The following ERCC6L2 variants were observed in gnomAD, a reference collection of about 807,000 sequenced individuals.
ERCC6L2 encodes the protein DNA excision repair protein ERCC-6-like 2.
Under a neutral mutation model 132.0 loss-of-function variants are expected in ERCC6L2, and 77 were observed. The observed-to-expected ratio is 0.58, with a 90% CI of 0.49 to 0.71. The LOEUF (loss-of-function observed/expected upper bound fraction) is 0.71. Among genes scored for constraint, ERCC6L2 ranks in the 30% least tolerant of loss-of-function variants. The pLI, the probability that ERCC6L2 is intolerant of heterozygous loss-of-function variation, is 0.00. For missense variants in ERCC6L2, 1,542 were observed against 1,837.6 expected, an observed-to-expected ratio of 0.84 and a Z score of 2.94; for synonymous variants, 583 against 632.4, an observed-to-expected ratio of 0.92 and a Z score of 1.17.
At chr9:95,938,704 G>T (rs690056) in intron 11 of ERCC6L2, among the ~76,000 whole-genome samples, 40,044 of 151,896 alleles carry the variant, frequency 0.26, 5,867 homozygotes, top group East Asian at 0.4. Context: ...CAGCCTAGCT[G>T]TGTCATCATA....
intron 14 of ERCC6L2, chr9:95,968,469 C>T (rs1056407416): frequency 7.2e-5 from 11 of 152,152 alleles, no homozygotes; most frequent in Non-Finnish European, 1.6e-4. Flanking sequence ...TGGTTAGATT[C>T]ATGCTGCTTT....
chr9:96,020,763 G>A (rs752351773), downstream of ERCC6L2: 23 of 456,788 alleles, frequency 5.0e-5, no homozygotes, highest in Middle Eastern at 3.3e-4. Flanking sequence ...CAAACTGTGG[G>A]GATGGGGAGT....
At position 95,881,075 on chromosome 9, in the gene ERCC6L2, G is replaced by T. The variant is rs751694710; in HGVS notation, c.253G>T (p.Asp85Tyr). ...AGATTGCCCTAGGAATCTTATATTTGATGATGAAGATTTAGAAAAACCTTA... is the reference window on the plus strand; with the variant it reads ...AGATTGCCCTAGGAATCTTATATTTTATGATGAAGATTTAGAAAAACCTTA... ...VKDCPRNLIF[D>Y]DEDLEKPYFP... The change falls in exon 2 of 19, where the codon GAT becomes TAT. Residue 85 changes from aspartate (D) to tyrosine (Y), a missense_variant. Coordinates refer to ENST00000653738, the MANE Select transcript of ERCC6L2 (RefSeq NM_020207.7). 1 of 1,613,362 alleles carries T rather than the reference G, an allele frequency of 6.2e-7. No individual in the cohort carries two copies. Among genetic ancestry groups the T allele is most frequent in the Non-Finnish European group, 8.5e-7 (1 of 1,179,622 alleles).
At chr9:95,932,033 A>G (rs1446818716) in intron 11 of ERCC6L2, among the ~76,000 whole-genome samples, 2 of 151,662 alleles carry the variant, frequency 1.3e-5, no homozygotes. Flanking sequence ...TGTTCTGAGA[A>G]ATGTCATTTT....
chr9:95,875,700 G>A lies in ERCC6L2; in HGVS notation c.-339G>A. On this transcript the variant is annotated 5_prime_UTR_variant, in exon 1 of 19. Coordinates refer to ENST00000653738, the MANE Select transcript of ERCC6L2 (RefSeq NM_020207.7). ...TTAGGAGACGGAAGTCAGAGCCTAG[G>A]AAGATTTGGGGGTCGCCTTGCCGGC... The A allele has an allele frequency of 2.5e-6, 1 of 399,554 alleles. No homozygotes were observed. Among genetic ancestry groups the A allele is most frequent in the South Asian group, 4.7e-5 (1 of 21,430 alleles). The allele number at this position is 399,554 out of a possible 1,614,324, so 24.8% of individuals were successfully genotyped here. A position where few individuals can be genotyped will look rare whatever the true frequency, so the allele number is the denominator to read the frequency against.
chr9:95,914,736 A>AT (rs1829500612), intron 4 of ERCC6L2, among the ~76,000 whole-genome samples: 1 of 152,002 alleles, frequency 6.6e-6, no homozygotes, highest in South Asian at 2.1e-4. Context: ...ATGTCTTTTT[A>AT]TTTTCTTAAT....
Position 96,038,259 on chromosome 9 carries a change from G to A in ERCC6L2, c.*1504-617G>A, listed in dbSNP as rs149132933. On this transcript the variant is annotated intron_variant and NMD_transcript_variant, in intron 19 of 20. Transcript: ENST00000670016. ...GGCAGGAAGGCAGAGCCAGTGGAAA[G>A]GTGAAAGACTGGGAGGAATCTGTGA... 1.4e-3 allele frequency among the ~76,000 whole-genome samples: 209 copies of A among 152,332 alleles called. 2 individuals carry two copies. The highest frequency in any genetic ancestry group is 1.6e-3 in the Non-Finnish European group (112 of 68,016).
intron 13 of ERCC6L2, among the ~76,000 whole-genome samples, chr9:95,963,929 A>G (rs1587988065): frequency 6.6e-6 from 1 of 152,120 alleles, no homozygotes; most frequent in East Asian, 1.9e-4. Flanking sequence ...GCTCACGTTA[A>G]CCTTGATCGC....
intron 2 of ERCC6L2, among the ~76,000 whole-genome samples, chr9:95,896,710 C>CA (rs1828485922): frequency 6.6e-6 from 1 of 152,186 alleles, no homozygotes; most frequent in Admixed American, 6.5e-5. Flanking sequence ...ATGGGTGAGC[C>CA]ACTGTGGCCA....
chr9:96,036,760 A>ATTTTTT (rs199913565), intron 19 of ERCC6L2, among the ~76,000 whole-genome samples: 1 of 102,546 alleles, frequency 9.8e-6, no homozygotes, highest in African/African-American at 3.2e-5. Flanking sequence ...TATTATTATT[A>ATTTTTT]TTATTTTTAT....
At chr9:95,897,050 A>G (rs1336835907) in intron 2 of ERCC6L2, among the ~76,000 whole-genome samples, 3 of 149,266 alleles carry the variant, frequency 2.0e-5, no homozygotes, top group African/African-American at 7.3e-5. Flanking sequence ...TTTTTGTTTT[A>G]TATAGTTTTT....
At chr9:95,895,190 C>T (rs1828388070) in intron 2 of ERCC6L2, among the ~76,000 whole-genome samples, 1 of 151,880 alleles carries the variant, frequency 6.6e-6, no homozygotes, top group South Asian at 2.1e-4. Context: ...TAAAGTGTGC[C>T]TCTTTAATTT....
chr9:95,999,128 A>G (rs956097711), intron 17 of ERCC6L2, among the ~76,000 whole-genome samples: 2 of 152,228 alleles, frequency 1.3e-5, no homozygotes, highest in Non-Finnish European at 2.9e-5. Context: ...TGGGAGGTCG[A>G]GGCAGGCAGA....
intron 13 of ERCC6L2, among the ~76,000 whole-genome samples, chr9:95,965,652 C>T (rs552471792): frequency 1.9e-4 from 29 of 151,912 alleles, no homozygotes; most frequent in Non-Finnish European, 3.5e-4. Flanking sequence ...ATTACAGGCA[C>T]CCACCACCAT....
At chr9:95,976,430 A>G (rs1372543969) in intron 16 of ERCC6L2, among the ~76,000 whole-genome samples, 1 of 152,128 alleles carries the variant, frequency 6.6e-6, no homozygotes, top group African/African-American at 2.4e-5. Flanking sequence ...ATTGAAGAGC[A>G]ACAAACCTTC....
At chr9:95,979,077 G>A (rs1230531718) in intron 17 of ERCC6L2, among the ~76,000 whole-genome samples, 1 of 152,186 alleles carries the variant, frequency 6.6e-6, no homozygotes, top group Non-Finnish European at 1.5e-5. Flanking sequence ...TTAAGACAGG[G>A]AGAAAGTTAG....
chr9:95,893,435 G>C (rs1828274622), intron 2 of ERCC6L2, among the ~76,000 whole-genome samples: 1 of 152,008 alleles, frequency 6.6e-6, no homozygotes, highest in African/African-American at 2.4e-5. Context: ...GTTCTTGTCA[G>C]GTTTTCTTAT....
intron 19 of ERCC6L2, among the ~76,000 whole-genome samples, chr9:96,034,638 G>A (rs370209392): frequency 1.2e-4 from 18 of 152,220 alleles, no homozygotes; most frequent in African/African-American, 3.9e-4. Context: ...GCTGCAGCAG[G>A]AAGGCACGGC....
In ERCC6L2 at chr9:95,955,915, G is replaced by T; in HGVS notation, c.1849G>T (p.Ala617Ser). ...PANDLQAIDR[A>S]YRIGQCRDVK... The stretch of plus-strand genomic sequence containing the variant: ...TTTGTATTTTTAATCCTTTTACAGA[G>T]CATATAGGATTGGACAATGTAGAGA... Residue 617 changes from alanine (A) to serine (S), a missense_variant and splice_region_variant, in exon 13 of 19, where the codon GCA (alanine) becomes TCA (serine). Physicochemically the swap from Ala to Ser is moderately conservative, Grantham distance 99 (BLOSUM62 1). Transcript: ENST00000653738. 1 of 1,576,484 alleles carries T rather than the reference G, an allele frequency of 6.3e-7. No homozygotes were observed. The highest frequency in any genetic ancestry group is 8.6e-7 in the Non-Finnish European group (1 of 1,159,174).
Sources: allele counts gnomAD v4.1 joint callset (sites outside exome capture counted in the v4.1 genomes callset), GRCh38; gene constraint gnomAD v4.1.1; transcripts MANE v1.5; gene names NCBI Gene and HGNC (gene_info 2026-07-23, HGNC 2026-07-21).